Variants in GEMIN8 observed in about 807,000 individuals in gnomAD.
The protein encoded by GEMIN8 is gem nuclear organelle associated protein 8, also known as gem-associated protein 8.
For missense variants in GEMIN8, 185 were observed against 205.9 expected, an observed-to-expected ratio of 0.90 and a Z score of 0.62; for synonymous variants, 80 against 78.5, an observed-to-expected ratio of 1.02 and a Z score of -0.10.
At chrX:13,999,226 T>G in the GEMIN8 span, among the ~76,000 whole-genome samples, 7 of 110,804 alleles carry the variant, frequency 6.3e-5, no homozygotes, top group African/African-American at 2.3e-4. Flanking sequence ...CCAAGAAATT[T>G]ACATTGGCAT....
intron 1 of GEMIN8, among the ~76,000 whole-genome samples, chrX:14,027,997 A>G (rs780543222): frequency 4.9e-4 from 55 of 112,858 alleles, no homozygotes; most frequent in South Asian, 2.6e-3. Context: ...AATTAAGAGC[A>G]TAACAGCAAA....
At chrX:14,005,612 T>G (rs1258432682), downstream of GEMIN8, among the ~76,000 whole-genome samples, 2 of 104,407 alleles carry the variant, frequency 1.9e-5, no homozygotes, top group African/African-American at 7.2e-5. Flanking sequence ...GGAAATTAAT[T>G]GAACCCAAAG....
At chrX:13,994,514 A>C in the GEMIN8 span, among the ~76,000 whole-genome samples, 665 of 112,765 alleles carry the variant, frequency 5.9e-3, 11 homozygotes, top group East Asian at 0.098. Flanking sequence ...TGTTTGGTGT[A>C]ATATCCATTT....
chrX:14,026,712 A>G (rs4830902), intron 1 of GEMIN8, among the ~76,000 whole-genome samples: 3,179 of 112,501 alleles, frequency 0.028, 113 homozygotes, highest in South Asian at 0.21. Context: ...TTATAAATAT[A>G]GAATATAGGA....
chrX:14,016,110 T>C (rs751153064), intron 4 of GEMIN8, among the ~76,000 whole-genome samples: 60 of 112,139 alleles, frequency 5.4e-4, no homozygotes, highest in East Asian at 5.6e-4. Flanking sequence ...GCTTCTAATA[T>C]AGACGAAGTC....
chrX:14,015,686 A>G (rs1476684644), intron 4 of GEMIN8, among the ~76,000 whole-genome samples: 1 of 112,465 alleles, frequency 8.9e-6, no homozygotes, highest in African/African-American at 3.2e-5. Context: ...AATCTTTCAA[A>G]TTTAGTGACA....
At chrX:14,027,414 T>C (rs1325601054) in intron 1 of GEMIN8, among the ~76,000 whole-genome samples, 1 of 112,614 alleles carries the variant, frequency 8.9e-6, no homozygotes, top group East Asian at 2.8e-4. Context: ...CCAAGCTCCA[T>C]CTTGGGCAGG....
the GEMIN8 span, among the ~76,000 whole-genome samples, chrX:13,987,066 T>C: frequency 9.0e-6 from 1 of 111,584 alleles, no homozygotes; most frequent in Non-Finnish European, 1.9e-5. Context: ...TGGGAATATG[T>C]GGTTGTCATT....
At chrX:14,025,592 T>C (rs1040277003) in intron 2 of GEMIN8, among the ~76,000 whole-genome samples, 2 of 111,723 alleles carry the variant, frequency 1.8e-5, no homozygotes, top group Non-Finnish European at 3.8e-5. Flanking sequence ...GAAAGACTAG[T>C]GGAGGCAAGA....
At chrX:14,010,793 G>T in intron 4 of GEMIN8, among the ~76,000 whole-genome samples, 1 of 111,994 alleles carries the variant, frequency 8.9e-6, no homozygotes, top group Middle Eastern at 4.6e-3. Context: ...CCTCACCCAT[G>T]GAAAAAATGT....
chrX:14,008,988 C>T lies in GEMIN8; in HGVS notation c.654G>A (p.Ala218=), dbSNP rs147709662. The T allele has an allele frequency of 1.2e-5, 14 of 1,209,069 alleles. No individual in the cohort carries two copies. The highest frequency in any genetic ancestry group is 8.7e-5 in the African/African-American group (5 of 57,327). Residue 218 remains alanine (A), a synonymous_variant, in exon 5 of 5, where the codon GCG becomes GCA. Coordinates refer to ENST00000680255, the MANE Select transcript of GEMIN8 (RefSeq NM_001042479.2). The stretch of plus-strand genomic sequence containing the variant: ...AGTGCTTGTCAAAGCTCAGCTGCAC[C>T]GCGGCCTCCATGGCTTGGATCTTGG... ...SAAKIQAMEA[A]VQLSFDKHCD...
At chrX:13,993,410 C>A in the GEMIN8 span, among the ~76,000 whole-genome samples, 1 of 106,653 alleles carries the variant, frequency 9.4e-6, no homozygotes, top group Non-Finnish European at 1.9e-5. Flanking sequence ...GTCTCCCAGT[C>A]AAATGCTTTA....
At chrX:13,998,249 A>AT in the GEMIN8 span, among the ~76,000 whole-genome samples, 3 of 109,078 alleles carry the variant, frequency 2.8e-5, no homozygotes, top group East Asian at 2.9e-4. Flanking sequence ...TAATTTTTAA[A>AT]TTTTTTTTAT....
In GEMIN8 at chrX:14,021,814, GTATATATA is replaced by G. The variant is rs147147045; in HGVS notation, c.-33-311_-33-304del. ...TAAATATTTAGTAGTTAATGTGTGT[GTATATATA>G]TATATATATATATATATATATAGTA... On this transcript the variant is annotated intron_variant, in intron 2 of 4. Transcript: ENST00000680255. Among the ~76,000 whole-genome samples the G allele has an allele frequency of 3.3e-4, 26 of 78,280 alleles. 1 individual carries two copies. The highest frequency in any genetic ancestry group is 7.8e-4 in the African/African-American group (15 of 19,293). 68.0% of individuals were successfully genotyped at this position (78,280 alleles called of 115,157 possible). A position where few individuals can be genotyped will look rare whatever the true frequency, so the allele number is the denominator to read the frequency against.
chrX:14,026,194 G>C lies in GEMIN8; in HGVS notation c.-88C>G. On this transcript the variant is annotated 5_prime_UTR_variant, in exon 2 of 5. Transcript: ENST00000680255. ...GGCACAAGCCTTCAGGGACTGAACA[G>C]TAACTTTTCTCCAATGGGCTGGTGG... The C allele has an allele frequency of 1.3e-6, 1 of 751,949 alleles. No individual in the cohort carries two copies. The highest frequency in any genetic ancestry group is 1.6e-6 in the Non-Finnish European group (1 of 636,736). 62.0% of individuals were successfully genotyped at this position (751,949 alleles called of 1,213,427 possible).
intron 4 of GEMIN8, among the ~76,000 whole-genome samples, chrX:14,011,304 G>A (rs1923518955): frequency 9.0e-6 from 1 of 111,251 alleles, no homozygotes; most frequent in African/African-American, 3.3e-5. Context: ...AGTTCATACA[G>A]GCCTTTCCCA....
chrX:14,010,773 G>A (rs747464333), intron 4 of GEMIN8, among the ~76,000 whole-genome samples: 170 of 112,045 alleles, frequency 1.5e-3, no homozygotes, highest in Middle Eastern at 4.6e-3. Context: ...TAAAAGCTGC[G>A]TAACTGCTAC....
chrX:13,993,687 A>G, the GEMIN8 span, among the ~76,000 whole-genome samples: 1 of 110,773 alleles, frequency 9.0e-6, no homozygotes, highest in Non-Finnish European at 1.9e-5. Context: ...AGCCTCTCAA[A>G]CTACTAGGAT....
At chrX:14,014,927 C>A (rs1419506828) in intron 4 of GEMIN8, among the ~76,000 whole-genome samples, 1 of 111,656 alleles carries the variant, frequency 9.0e-6, no homozygotes, top group Non-Finnish European at 1.9e-5. Flanking sequence ...TTGACAGCTG[C>A]CCCGCGGTGC....
Sources: allele counts gnomAD v4.1 joint callset (sites outside exome capture counted in the v4.1 genomes callset), GRCh38; gene constraint gnomAD v4.1.1; transcripts MANE v1.5; gene names NCBI Gene and HGNC (gene_info 2026-07-23, HGNC 2026-07-21).